EPHA5: variants seen among roughly 807,000 people sequenced by gnomAD.
The protein encoded by EPHA5 is EPH receptor A5.
In EPHA5, 60 loss-of-function variants were observed where a neutral mutation model predicts 105.0. That is an observed-to-expected ratio of 0.57 (90% CI 0.46 to 0.71). The LOEUF (loss-of-function observed/expected upper bound fraction) is 0.71. Ranked by LOEUF, EPHA5 falls within the 30% of genes least tolerant of loss-of-function variation. The probability of loss-of-function intolerance (pLI) is 0.00; values close to 1 mark genes in which losing one functional copy is unlikely to be tolerated. For missense variants in EPHA5, 1,218 were observed against 1,274.7 expected, an observed-to-expected ratio of 0.96 and a Z score of 0.68; for synonymous variants, 513 against 449.1, an observed-to-expected ratio of 1.14 and a Z score of -1.80.
intron 3 of EPHA5, among the ~76,000 whole-genome samples, chr4:65,515,179 C>T (rs76122336): frequency 0.045 from 6,831 of 152,214 alleles, 192 homozygotes; most frequent in African/African-American, 0.079. Context: ...TAAACATATT[C>T]AACTGTCTTT....
chr4:65,405,029 C>T (rs1722223410), intron 7 of EPHA5, among the ~76,000 whole-genome samples: 1 of 151,808 alleles, frequency 6.6e-6, no homozygotes, highest in South Asian at 2.1e-4. Flanking sequence ...CAATGTAAAG[C>T]ACAATATATT....
At chr4:65,577,879 G>C (rs976627259) in intron 3 of EPHA5, among the ~76,000 whole-genome samples, 2 of 152,050 alleles carry the variant, frequency 1.3e-5, no homozygotes, top group African/African-American at 4.8e-5. Flanking sequence ...CATCAGACTG[G>C]TATGTGACTG....
intron 3 of EPHA5, among the ~76,000 whole-genome samples, chr4:65,536,309 G>T (rs968491049): frequency 2.6e-5 from 4 of 151,878 alleles, no homozygotes; most frequent in South Asian, 2.1e-4. Context: ...AGTATGACAG[G>T]CATCAAAATC....
intron 5 of EPHA5, among the ~76,000 whole-genome samples, chr4:65,480,758 G>T (rs1420553232): frequency 1.3e-5 from 2 of 152,022 alleles, no homozygotes; most frequent in Non-Finnish European, 2.9e-5. Flanking sequence ...ATATTCTAAT[G>T]TTTGAATCTA....
intron 5 of EPHA5, among the ~76,000 whole-genome samples, chr4:65,473,773 G>T (rs1729518877): frequency 6.6e-6 from 1 of 152,078 alleles, no homozygotes; most frequent in African/African-American, 2.4e-5. Flanking sequence ...TGATCCCGTA[G>T]TGAACAAACA....
chr4:65,368,535 C>G (rs1007756815), intron 8 of EPHA5, among the ~76,000 whole-genome samples: 12 of 152,084 alleles, frequency 7.9e-5, no homozygotes, highest in African/African-American at 2.9e-4. Context: ...TCTTTCTTTT[C>G]ATTAACTCTA....
chr4:65,325,253 T>C (rs1719964956), intron 16 of EPHA5, among the ~76,000 whole-genome samples: 1 of 151,422 alleles, frequency 6.6e-6, no homozygotes, highest in Non-Finnish European at 1.5e-5. Flanking sequence ...CATTAGACAT[T>C]AGAATAATCA....
chr4:65,414,100 C>T (rs181686113), intron 7 of EPHA5, among the ~76,000 whole-genome samples, 184 bp downstream of exon 7: 1 of 152,212 alleles, frequency 6.6e-6, no homozygotes, highest in East Asian at 1.9e-4. Context: ...GAGCACGGAC[C>T]AACGTGTTAA....
intron 14 of EPHA5, among the ~76,000 whole-genome samples, chr4:65,339,962 G>C (rs575474449): frequency 2.6e-4 from 40 of 152,276 alleles, no homozygotes; most frequent in Admixed American, 2.0e-4. Context: ...ATAACAAAGT[G>C]CTGTTGAACA....
rs185984187 is a variant in EPHA5 at position 65,585,651 on chromosome 4, C to A, written c.910+15990G>T. Among the ~76,000 whole-genome samples, 10 of 151,658 alleles carry A rather than the reference C, an allele frequency of 6.6e-5. No individual in the cohort carries two copies. In the East Asian group the frequency reaches 1.9e-3, roughly 29 times the overall value. Reference sequence around the variant, plus strand: ...AAAAACAAAACAAAATAAAAGAAAACAAGAAAATCTGAAGATTATTGGAGA... The same window carrying A: ...AAAAACAAAACAAAATAAAAGAAAAAAAGAAAATCTGAAGATTATTGGAGA... On this transcript the variant is annotated intron_variant, in intron 3 of 16. Transcript: ENST00000613740.
intron 3 of EPHA5, among the ~76,000 whole-genome samples, chr4:65,523,216 T>C (rs2149285295): frequency 6.6e-6 from 1 of 152,108 alleles, no homozygotes; most frequent in Non-Finnish European, 1.5e-5. Flanking sequence ...TTCTATTACA[T>C]ATTGCCAGAA....
intron 2 of EPHA5, among the ~76,000 whole-genome samples, chr4:65,604,622 T>A (rs1034012790): frequency 3.3e-5 from 5 of 152,174 alleles, no homozygotes; most frequent in African/African-American, 1.2e-4. Context: ...CAGAAAGATT[T>A]TATTTTAGGC....
chr4:65,423,057 C>T (rs1036098121), intron 5 of EPHA5, among the ~76,000 whole-genome samples: 7 of 151,930 alleles, frequency 4.6e-5, no homozygotes, highest in African/African-American at 1.7e-4. Flanking sequence ...TTCTTAGGCT[C>T]CTCTTGGTTA....
At chr4:65,580,703 T>A (rs1437592315) in intron 3 of EPHA5, among the ~76,000 whole-genome samples, 1 of 151,680 alleles carries the variant, frequency 6.6e-6, no homozygotes, top group East Asian at 1.9e-4. Flanking sequence ...CCCCTGTCCC[T>A]CAAAGAGGAC....
At chr4:65,500,312 A>T (rs1732353525) in intron 3 of EPHA5, among the ~76,000 whole-genome samples, 1 of 151,322 alleles carries the variant, frequency 6.6e-6, no homozygotes, top group Non-Finnish European at 1.5e-5. Context: ...ATGTTTCATG[A>T]GACTATTGTG....
chr4:65,584,821 TA>T (rs1345986845), intron 3 of EPHA5, among the ~76,000 whole-genome samples: 6 of 151,976 alleles, frequency 3.9e-5, no homozygotes, highest in African/African-American at 1.4e-4. Flanking sequence ...AAAGTATTGT[TA>T]AAAAATCTTC....
chr4:65,662,296 A>C (rs766989433), intron 1 of EPHA5, among the ~76,000 whole-genome samples: 1 of 152,174 alleles, frequency 6.6e-6, no homozygotes, highest in Non-Finnish European at 1.5e-5. Context: ...GTTCTTGCAA[A>C]GCATATGTAA....
intron 5 of EPHA5, among the ~76,000 whole-genome samples, chr4:65,469,930 T>C (rs542640062): frequency 4.2e-4 from 64 of 152,126 alleles, no homozygotes; most frequent in African/African-American, 1.5e-3. Context: ...AAAATAAAAG[T>C]TCATAGCCAC....
At chr4:65,372,137 T>A (rs577825104) in intron 8 of EPHA5, among the ~76,000 whole-genome samples, 2 of 152,054 alleles carry the variant, frequency 1.3e-5, no homozygotes, top group Admixed American at 6.6e-5. Context: ...AACCATTGCA[T>A]AATGTTGTAT....
Sources: allele counts gnomAD v4.1 joint callset (sites outside exome capture counted in the v4.1 genomes callset), GRCh38; gene constraint gnomAD v4.1.1; transcripts MANE v1.5; gene names NCBI Gene and HGNC (gene_info 2026-07-23, HGNC 2026-07-21).